The following ZNF469 variants were observed in gnomAD, a reference collection of about 807,000 sequenced individuals.
ZNF469 encodes the protein zinc finger protein 469.
ZNF469 carries 1 observed loss-of-function variant against 1.0 expected under a neutral mutation model. That is an observed-to-expected ratio of 1.00 (90% CI 0.35 to 4.73). The LOEUF (loss-of-function observed/expected upper bound fraction) is 4.73, where lower values mean the gene tolerates loss of function less well. Ranked by LOEUF, ZNF469 falls within the 30% of genes most tolerant of loss-of-function variation. ZNF469 has a pLI of 0.16. For synonymous variants in ZNF469, 2,703 were observed against 2,363.4 expected (o/e 1.14, Z -4.17); for missense variants, 6,100 against 5,356.3 (o/e 1.14, Z -4.33).
the ZNF469 span, among the ~76,000 whole-genome samples, chr16:88,338,893 C>A: frequency 1.3e-5 from 2 of 152,142 alleles, no homozygotes; most frequent in African/African-American, 4.8e-5. Flanking sequence ...GGCCCTGCAA[C>A]GCCTTGGTTT....
chr16:88,380,230 C>CAA (rs2092517475), upstream of ZNF469, among the ~76,000 whole-genome samples: 1 of 151,654 alleles, frequency 6.6e-6, no homozygotes, highest in Admixed American at 6.6e-5. Context: ...CACTCACAGA[C>CAA]ATGCACTCAC....
chr16:88,169,888 C>A, the ZNF469 span, among the ~76,000 whole-genome samples: 1 of 152,242 alleles, frequency 6.6e-6, no homozygotes, highest in African/African-American at 2.4e-5. This position sits in a 1 kb window ranked among gnomAD's most constrained non-coding sequence, Gnocchi z 6.1. Context: ...GGGGTCGGCC[C>A]TGCCAGTGGG....
chr16:88,265,338 T>A, the ZNF469 span, among the ~76,000 whole-genome samples: 1 of 152,142 alleles, frequency 6.6e-6, no homozygotes, highest in African/African-American at 2.4e-5. Context: ...CTCAGGAGGT[T>A]CCCCTAGCAC....
the ZNF469 span, among the ~76,000 whole-genome samples, chr16:88,341,469 C>A: frequency 6.6e-6 from 1 of 152,200 alleles, no homozygotes; most frequent in South Asian, 2.1e-4. Context: ...CTGGGCCACC[C>A]TCCAGGTTTC....
intron 1 of ZNF469, among the ~76,000 whole-genome samples, chr16:88,412,305 T>A (rs1181350925): frequency 6.6e-6 from 1 of 152,218 alleles, no homozygotes; most frequent in East Asian, 1.9e-4. Flanking sequence ...ACCTTCCCAG[T>A]GCCCTCTCCA....
chr16:88,226,843 T>C, the ZNF469 span, among the ~76,000 whole-genome samples: 2 of 151,458 alleles, frequency 1.3e-5, no homozygotes, highest in African/African-American at 2.4e-5. Flanking sequence ...AGTTAAGAAG[T>C]GTGGGTTCCA....
the ZNF469 span, among the ~76,000 whole-genome samples, chr16:88,228,148 T>C: frequency 0.95 from 144,601 of 152,346 alleles, 69,091 homozygotes; most frequent in East Asian, 1. Flanking sequence ...AATAAACCCA[T>C]CTTCTGAGGT....
the ZNF469 span, among the ~76,000 whole-genome samples, chr16:88,333,168 C>A: frequency 6.6e-6 from 1 of 152,160 alleles, no homozygotes; most frequent in Non-Finnish European, 1.5e-5. Flanking sequence ...ACCGTCCATC[C>A]GTGAGTCCCC....
chr16:88,189,979 G>A, the ZNF469 span, among the ~76,000 whole-genome samples: 4 of 152,088 alleles, frequency 2.6e-5, no homozygotes, highest in Non-Finnish European at 4.4e-5. The surrounding 1 kb of genome is among the most constrained non-coding windows in gnomAD (Gnocchi z 4.3). Flanking sequence ...CCAGACTCTG[G>A]GGAACTTTCA....
the ZNF469 span, among the ~76,000 whole-genome samples, chr16:88,301,471 G>A: frequency 2.6e-5 from 4 of 152,196 alleles, no homozygotes; most frequent in Non-Finnish European, 5.9e-5. Context: ...TTCTCTAAGC[G>A]ATGATTATTT....
the ZNF469 span, among the ~76,000 whole-genome samples, chr16:88,300,550 C>G: frequency 6.6e-6 from 1 of 152,198 alleles, no homozygotes; most frequent in East Asian, 1.9e-4. Context: ...GCAGGGAGCG[C>G]TTCTCTCGGT....
the ZNF469 span, among the ~76,000 whole-genome samples, chr16:88,341,177 T>C: frequency 1.3e-5 from 2 of 152,334 alleles, no homozygotes; most frequent in African/African-American, 4.8e-5. Flanking sequence ...TGTAAATGTG[T>C]AGAAGCCCTT....
the ZNF469 span, among the ~76,000 whole-genome samples, chr16:88,286,325 G>C: frequency 3.3e-5 from 5 of 152,254 alleles, no homozygotes; most frequent in African/African-American, 4.8e-5. Flanking sequence ...TCCTGGGAGA[G>C]CCACGGCCTG....
At chr16:88,175,231 T>G in the ZNF469 span, among the ~76,000 whole-genome samples, 1 of 152,190 alleles carries the variant, frequency 6.6e-6, no homozygotes, top group South Asian at 2.1e-4. Context: ...ATTGGGTAAC[T>G]GGGACTGTAA....
chr16:88,111,047 C>G, the ZNF469 span, among the ~76,000 whole-genome samples: 2 of 152,258 alleles, frequency 1.3e-5, no homozygotes, highest in African/African-American at 4.8e-5. Flanking sequence ...TCGAAGGCCC[C>G]TTGCTTTTCT....
chr16:88,334,775 C>T, the ZNF469 span, among the ~76,000 whole-genome samples: 2 of 152,062 alleles, frequency 1.3e-5, no homozygotes, highest in Admixed American at 6.5e-5. Flanking sequence ...GGGAAGATGC[C>T]GACGGGAGGA....
At chr16:88,207,808 G>A in the ZNF469 span, among the ~76,000 whole-genome samples, 1 of 149,768 alleles carries the variant, frequency 6.7e-6, no homozygotes, top group Admixed American at 6.7e-5. Context: ...TTATAAGGAT[G>A]CACCTGATAG....
intron 1 of ZNF469, among the ~76,000 whole-genome samples, chr16:88,405,647 A>G (rs956098522): frequency 2.0e-5 from 3 of 152,206 alleles, no homozygotes; most frequent in African/African-American, 7.2e-5. Context: ...AGAGCAGAGC[A>G]GAGGGTGCAG....
At chr16:88,275,381 G>A in the ZNF469 span, among the ~76,000 whole-genome samples, 1 of 152,170 alleles carries the variant, frequency 6.6e-6, no homozygotes, top group Non-Finnish European at 1.5e-5. Context: ...AAGCTACCTG[G>A]GTTACTTGGA....
Sources: gnomAD v4.1 joint callset for allele counts (sites outside exome capture counted in the v4.1 genomes callset) on GRCh38, gnomAD v4.1.1 for gene constraint, Gnocchi (gnomAD v3.1) non-coding constraint, MANE v1.5 for transcripts, NCBI Gene and HGNC (gene_info 2026-07-23, HGNC 2026-07-21) for gene names.